The following ABLIM2 variants were observed in gnomAD, a reference collection of about 807,000 sequenced individuals.
ABLIM2 encodes actin-binding LIM protein 2.
In ABLIM2, 53 loss-of-function variants were observed where a neutral mutation model predicts 97.7. The observed-to-expected ratio is 0.54, with a 90% CI of 0.44 to 0.68. The LOEUF (loss-of-function observed/expected upper bound fraction) is 0.68, where lower values mean the gene tolerates loss of function less well. ABLIM2 is among the 30% of genes least tolerant of loss of function. The probability of loss-of-function intolerance (pLI) is 0.00; values close to 1 mark genes in which losing one functional copy is unlikely to be tolerated. For missense variants in ABLIM2, 835 were observed against 867.2 expected (o/e 0.96, Z 0.47); for synonymous variants, 361 against 345.8 (o/e 1.04, Z -0.49).
intron 3 of ABLIM2, among the ~76,000 whole-genome samples, chr4:8,092,481 T>C (rs1451854886): frequency 6.6e-6 from 1 of 152,204 alleles, no homozygotes; most frequent in Non-Finnish European, 1.5e-5. Flanking sequence ...GAATGGCGTA[T>C]GACAAATGTA....
intron 1 of ABLIM2, among the ~76,000 whole-genome samples, chr4:8,154,022 G>C (rs1714171482): frequency 6.9e-6 from 1 of 144,718 alleles, no homozygotes; most frequent in African/African-American, 2.6e-5. Context: ...GAGTGCAGTG[G>C]CGTGATCTCG....
chr4:8,057,290 T>G (rs1429128521), intron 7 of ABLIM2, among the ~76,000 whole-genome samples: 1 of 152,154 alleles, frequency 6.6e-6, no homozygotes, highest in African/African-American at 2.4e-5. Flanking sequence ...TTCGCCATGT[T>G]GGCCAGGCTG....
chr4:8,065,036 G>A (rs987227131), intron 6 of ABLIM2, among the ~76,000 whole-genome samples: 9 of 152,198 alleles, frequency 5.9e-5, no homozygotes, highest in African/African-American at 2.2e-4. Context: ...GATCACTTGA[G>A]GCCAGGAGTT....
chr4:8,045,133 C>G, intron 9 of ABLIM2, 31 bp downstream of exon 9: 1 of 1,602,078 alleles, frequency 6.2e-7, no homozygotes, highest in Non-Finnish European at 8.6e-7. Flanking sequence ...CACCCTCCCA[C>G]CGCCGTCCCC....
rs753198130 is a variant in ABLIM2 at position 7,985,119 on chromosome 4, C to T, written c.1681-226G>A. 3.2e-4 allele frequency among the ~76,000 whole-genome samples: 49 copies of T among 152,280 alleles called. No homozygotes were observed. The Middle Eastern group carries it at 0.01, about 32-fold the overall frequency. On this transcript the variant is annotated intron_variant, in intron 17 of 20. Transcript: ENST00000447017. ...CGTGGGACTGGCCAGCTTTCTTGCT[C>T]ATAGGATGCCCACTGCCTGGGCGGT...
rs906279442 is a variant in ABLIM2 at position 8,043,626 on chromosome 4, C to T, written c.900+1538G>A. On this transcript the variant is annotated intron_variant, in intron 9 of 20. Coordinates refer to ENST00000447017, the MANE Select transcript of ABLIM2 (RefSeq NM_001130083.2). This position sits in a 1 kb window ranked among gnomAD's most constrained non-coding sequence, Gnocchi z 4.8. The stretch of plus-strand genomic sequence containing the variant: ...GACCCGTGATGATGCAAGGAGAGGA[C>T]GGCCGCCTGCGGGCCAGGGATGGGG... Among the ~76,000 whole-genome samples the T allele has an allele frequency of 3.3e-5, 5 of 152,126 alleles. No homozygotes were observed. The highest frequency in any genetic ancestry group is 4.8e-5 in the African/African-American group (2 of 41,424).
intron 12 of ABLIM2, 21 bp downstream of exon 12, chr4:8,027,738 C>T (rs1277151071): frequency 6.5e-7 from 1 of 1,544,992 alleles, no homozygotes; most frequent in Non-Finnish European, 8.7e-7. Context: ...CACCCACAGC[C>T]CACATCACTG....
rs192456596 is a variant in ABLIM2 at position 8,110,667 on chromosome 4, G to A, written c.11-4030C>T. 5.1e-3 allele frequency among the ~76,000 whole-genome samples: 776 copies of A among 150,932 alleles called. 10 individuals are homozygous for A. The highest frequency in any genetic ancestry group is 0.017 in the African/African-American group (683 of 41,004). On this transcript the variant is annotated intron_variant, in intron 1 of 20. Coordinates refer to ENST00000447017, the MANE Select transcript of ABLIM2 (RefSeq NM_001130083.2). Reference sequence around the variant, plus strand: ...CTTGGTCGGGGGTGGCGGGGGTGGGGTGTGGGGGTGAGGGTTGAGGGAAGC... The same window carrying A: ...CTTGGTCGGGGGTGGCGGGGGTGGGATGTGGGGGTGAGGGTTGAGGGAAGC...
chr4:8,109,480 C>G (rs1012728604), intron 1 of ABLIM2, among the ~76,000 whole-genome samples: 2 of 152,260 alleles, frequency 1.3e-5, no homozygotes, highest in Non-Finnish European at 1.5e-5. Context: ...GTGACTGCAT[C>G]TCAGACAGAG....
intron 7 of ABLIM2, among the ~76,000 whole-genome samples, chr4:8,056,767 C>A (rs1017320235): frequency 4.6e-5 from 7 of 151,460 alleles, no homozygotes; most frequent in Non-Finnish European, 8.8e-5. Context: ...CCCGTCTCTA[C>A]TAAAAATACA....
At chr4:8,092,278 G>C (rs1361526263) in intron 3 of ABLIM2, among the ~76,000 whole-genome samples, 1 of 151,988 alleles carries the variant, frequency 6.6e-6, no homozygotes, top group African/African-American at 2.4e-5. Flanking sequence ...GATTACAGGC[G>C]TGAGTCACCA....
chr4:8,056,355 C>T (rs1799150811), intron 7 of ABLIM2, among the ~76,000 whole-genome samples: 1 of 145,100 alleles, frequency 6.9e-6, no homozygotes, highest in Non-Finnish European at 1.5e-5. Flanking sequence ...CCCAGCATGG[C>T]AGTGGTGCAA....
At chr4:8,026,920 GTGTGTCTGC>G in intron 12 of ABLIM2, among the ~76,000 whole-genome samples, 1 of 150,718 alleles carries the variant, frequency 6.6e-6, no homozygotes, top group South Asian at 2.2e-4. Flanking sequence ...ACCTGAGTGT[GTGTGTCTGC>G]AGTGGCCTTT....
chr4:8,034,163 C>T (rs1021830734), intron 10 of ABLIM2, among the ~76,000 whole-genome samples: 1 of 152,188 alleles, frequency 6.6e-6, no homozygotes, highest in South Asian at 2.1e-4. Flanking sequence ...CGAGTCCTCA[C>T]GGACTCTCTT....
chr4:8,012,302 A>C (rs1181020260), intron 14 of ABLIM2, among the ~76,000 whole-genome samples: 2 of 144,798 alleles, frequency 1.4e-5, no homozygotes, highest in Non-Finnish European at 3.0e-5. Context: ...CCATCCACCC[A>C]TCCTTCACCC....
Position 8,148,030 on chromosome 4 carries a change from T to A in ABLIM2, c.10+10650A>T, listed in dbSNP as rs969280856. 2.6e-5 allele frequency among the ~76,000 whole-genome samples: 4 copies of A among 152,116 alleles called. No individual in the cohort carries two copies. The highest frequency in any genetic ancestry group is 9.7e-5 in the African/African-American group (4 of 41,430). On this transcript the variant is annotated intron_variant, in intron 1 of 20. Coordinates refer to ENST00000447017, the MANE Select transcript of ABLIM2 (RefSeq NM_001130083.2). The surrounding 1 kb of genome is among the most constrained non-coding windows in gnomAD (Gnocchi z 6.7). The stretch of plus-strand genomic sequence containing the variant: ...GCTGCAGACCAACCCCAAACTCTGG[T>A]GTGGTTCCCTGAGGCCCAGGTGGGC...
At chr4:8,107,045 C>G (rs1025305322) in intron 1 of ABLIM2, among the ~76,000 whole-genome samples, 74 of 152,370 alleles carry the variant, frequency 4.9e-4, no homozygotes, top group African/African-American at 1.5e-3. Context: ...AGGCACCCCT[C>G]TGTGAGCTCA....
chr4:7,998,717 G>T lies in ABLIM2; in HGVS notation c.1619-5790C>A. On this transcript the variant is annotated intron_variant, in intron 16 of 20. Coordinates refer to ENST00000447017, the MANE Select transcript of ABLIM2 (RefSeq NM_001130083.2). The surrounding 1 kb of genome is among the most constrained non-coding windows in gnomAD (Gnocchi z 6.4). ...CAGGTCTGGGCCACCTCCTGCCACT[G>T]CATGGGAGGCTGGGAGTCTGCTGGC... is the stretch of plus-strand genomic sequence containing the variant. 4.1e-6 allele frequency: 2 copies of T among 492,516 alleles called. No individual in the cohort carries two copies. Among genetic ancestry groups the T allele is most frequent in the Non-Finnish European group, 4.1e-6 (1 of 246,806 alleles). The allele number at this position is 492,516 out of a possible 1,614,324, so 30.5% of individuals were successfully genotyped here. A position where few individuals can be genotyped will look rare whatever the true frequency, so the allele number is the denominator to read the frequency against.
chr4:8,039,875 T>C (rs898409837), intron 9 of ABLIM2, among the ~76,000 whole-genome samples: 1 of 47,260 alleles, frequency 2.1e-5, no homozygotes, highest in Admixed American at 2.5e-4. Context: ...CTGATTACTG[T>C]TTTTTTTTTT....
Sources: allele counts gnomAD v4.1 joint callset (sites outside exome capture counted in the v4.1 genomes callset), GRCh38; gene constraint gnomAD v4.1.1; non-coding constraint Gnocchi (gnomAD v3.1); transcripts MANE v1.5; gene names NCBI Gene and HGNC (gene_info 2026-07-23, HGNC 2026-07-21).